Variants in TCF7L1 observed in about 807,000 individuals in gnomAD.
TCF7L1 encodes the protein transcription factor 7 like 1, also known as transcription factor 7-like 1.
TCF7L1 carries 18 observed loss-of-function variants against 63.7 expected under a neutral mutation model. The observed-to-expected ratio is 0.28, with a 90% CI of 0.20 to 0.42. The LOEUF is 0.42. Ranked by LOEUF, TCF7L1 falls within the 10% of genes least tolerant of loss-of-function variation. The pLI, the probability that TCF7L1 is intolerant of heterozygous loss-of-function variation, is 1.00. For synonymous variants in TCF7L1, 355 were observed against 340.9 expected, an observed-to-expected ratio of 1.04 and a Z score of -0.46; for missense variants, 654 against 779.3, an observed-to-expected ratio of 0.84 and a Z score of 1.91.
chr2:85,166,219 C>T (rs1038719288), intron 3 of TCF7L1, among the ~76,000 whole-genome samples: 3 of 152,142 alleles, frequency 2.0e-5, no homozygotes, highest in African/African-American at 7.2e-5. Context: ...ATTTGGAGTC[C>T]AGTGCTAGGT....
At chr2:85,147,810 C>T (rs1293902753) in intron 3 of TCF7L1, among the ~76,000 whole-genome samples, 5 of 152,090 alleles carry the variant, frequency 3.3e-5, no homozygotes, top group African/African-American at 2.4e-5. Context: ...CCCACATCCT[C>T]GTGCATGTGT....
At chr2:85,158,301 T>C (rs1678197817) in intron 3 of TCF7L1, among the ~76,000 whole-genome samples, 1 of 152,150 alleles carries the variant, frequency 6.6e-6, no homozygotes, top group African/African-American at 2.4e-5. Context: ...CTTTAGAACA[T>C]AGGAGACCCA....
At chr2:85,146,155 G>GCACT (rs1412257542) in intron 3 of TCF7L1, among the ~76,000 whole-genome samples, 1 of 152,126 alleles carries the variant, frequency 6.6e-6, no homozygotes, top group Non-Finnish European at 1.5e-5. Flanking sequence ...GTGTTCCAGG[G>GCACT]CACTATATCA....
chr2:85,230,480 C>A lies in TCF7L1; in HGVS notation c.442-53015C>A, dbSNP rs549461267. On this transcript the variant is annotated intron_variant, in intron 3 of 11. Coordinates refer to ENST00000282111, the MANE Select transcript of TCF7L1 (RefSeq NM_031283.3). Reference sequence around the variant, plus strand: ...TCCCAAGTAGCTGTGATTACAGGCACCCATCACCACGCCCAGCTAATTTCT... The same window carrying A: ...TCCCAAGTAGCTGTGATTACAGGCAACCATCACCACGCCCAGCTAATTTCT... Among the ~76,000 whole-genome samples the A allele has an allele frequency of 2.0e-5, 3 of 152,202 alleles. No homozygotes were observed. The South Asian group carries it at 6.2e-4, about 32-fold the overall frequency.
chr2:85,308,465 C>CT (rs2104393226), intron 11 of TCF7L1, among the ~76,000 whole-genome samples: 2 of 84,368 alleles, frequency 2.4e-5, no homozygotes, highest in Non-Finnish European at 4.5e-5. Flanking sequence ...CCCTCTCTTT[C>CT]CCTCCCTCTC....
At chr2:85,243,461 G>T (rs896867972) in intron 3 of TCF7L1, among the ~76,000 whole-genome samples, 8 of 152,124 alleles carry the variant, frequency 5.3e-5, no homozygotes, top group Non-Finnish European at 1.0e-4. Flanking sequence ...TGCAGGGTTC[G>T]AGGGGAAGGG....
chr2:85,167,895 C>T (rs967363949), intron 3 of TCF7L1, among the ~76,000 whole-genome samples: 1 of 152,146 alleles, frequency 6.6e-6, no homozygotes, highest in Non-Finnish European at 1.5e-5. Context: ...GAAATCCTGC[C>T]GTTTGTGACA....
chr2:85,140,899 AAGAG>A (rs933791808), intron 3 of TCF7L1, among the ~76,000 whole-genome samples: 1 of 95,038 alleles, frequency 1.1e-5, no homozygotes, highest in Non-Finnish European at 2.1e-5. Flanking sequence ...ATAAGAGCGA[AAGAG>A]AGAGAGAGAC....
At chr2:85,139,823 A>G (rs1224721488) in intron 3 of TCF7L1, among the ~76,000 whole-genome samples, 1 of 152,186 alleles carries the variant, frequency 6.6e-6, no homozygotes, top group Non-Finnish European at 1.5e-5. Flanking sequence ...GGGCCAGGAC[A>G]TGGGCTAGGG....
chr2:85,308,581 CCCTTCCTT>C (rs1160637661), intron 11 of TCF7L1, among the ~76,000 whole-genome samples: 3 of 149,766 alleles, frequency 2.0e-5, no homozygotes, highest in African/African-American at 4.9e-5. Flanking sequence ...CTCCCCTCCT[CCCTTCCTT>C]CCTTCCTTCC....
In TCF7L1 at chr2:85,224,540, A is replaced by T. The variant is rs148221249; in HGVS notation, c.442-58955A>T. On this transcript the variant is annotated intron_variant, in intron 3 of 11. Transcript: ENST00000282111. The stretch of plus-strand genomic sequence containing the variant: ...TGCATTTCTCTGATGACCAGTGATG[A>T]TGAGTATTTTTTCATATGTCTGTTG... Among the ~76,000 whole-genome samples, 1,508 of 152,310 alleles carry T rather than the reference A, an allele frequency of 9.9e-3. 24 individuals carry two copies. Among genetic ancestry groups the T allele is most frequent in the African/African-American group, 0.034 (1,425 of 41,558 alleles).
At chr2:85,226,043 T>G (rs143882963) in intron 3 of TCF7L1, among the ~76,000 whole-genome samples, 2 of 152,336 alleles carry the variant, frequency 1.3e-5, no homozygotes, top group African/African-American at 4.8e-5. Context: ...ATCACGTGGT[T>G]TTTGTCGTTG....
rs188552733 is a variant in TCF7L1 at position 85,285,637 on chromosome 2, C to T, written c.525+2059C>T. On this transcript the variant is annotated intron_variant, in intron 4 of 11. Transcript: ENST00000282111. ...CCACTTGGGATAGCCAAGCACGAGGCGCGGGTGCCCTCTAGTGGTGCCAGT... is the reference window on the plus strand; with the variant it reads ...CCACTTGGGATAGCCAAGCACGAGGTGCGGGTGCCCTCTAGTGGTGCCAGT... 3.2e-3 allele frequency among the ~76,000 whole-genome samples: 488 copies of T among 152,342 alleles called. 2 individuals are homozygous for T. Among genetic ancestry groups the T allele is most frequent in the Non-Finnish European group, 4.7e-3 (319 of 68,024 alleles).
chr2:85,232,234 T>C (rs1385052827), intron 3 of TCF7L1, among the ~76,000 whole-genome samples: 1 of 152,196 alleles, frequency 6.6e-6, no homozygotes, highest in Non-Finnish European at 1.5e-5. Context: ...CTGCTCTGTG[T>C]GTGTTTGTTT....
chr2:85,282,077 T>A (rs1681433318), intron 3 of TCF7L1, among the ~76,000 whole-genome samples: 1 of 152,140 alleles, frequency 6.6e-6, no homozygotes, highest in South Asian at 2.1e-4. Context: ...AACCTCCACC[T>A]CCCAGACTCA....
chr2:85,133,858 G>C lies in TCF7L1; in HGVS notation c.174G>C (p.Ala58=). 1 of 1,512,994 alleles carries C rather than the reference G, an allele frequency of 6.6e-7. No homozygotes were observed. The highest frequency in any genetic ancestry group is 2.7e-5 in the East Asian group (1 of 37,388). 93.7% of individuals were successfully genotyped at this position (1,512,994 alleles called of 1,614,324 possible). The stretch of plus-strand genomic sequence containing the variant: ...AGCCGAGCAGCGATAGCGCCTCGGC[G>C]CAGCGGGACCTAGACGAGGTCAAGT... The part of the protein sequence containing the change: ...EQEPSSDSAS[A]QRDLDEVKSS... Residue 58 remains alanine (A), a synonymous_variant, in exon 1 of 12, where the codon GCG becomes GCC. Coordinates refer to ENST00000282111, the MANE Select transcript of TCF7L1 (RefSeq NM_031283.3). This position sits in a 1 kb window ranked among gnomAD's most constrained non-coding sequence, Gnocchi z 4.4.
At chr2:85,157,187 G>T (rs1005226172) in intron 3 of TCF7L1, among the ~76,000 whole-genome samples, 1 of 152,234 alleles carries the variant, frequency 6.6e-6, no homozygotes, top group Non-Finnish European at 1.5e-5. Context: ...GCTCAGAGAG[G>T]TGAACAGTGT....
intron 3 of TCF7L1, among the ~76,000 whole-genome samples, chr2:85,184,907 C>T (rs935893616): frequency 1.3e-5 from 2 of 151,960 alleles, no homozygotes; most frequent in Non-Finnish European, 2.9e-5. Context: ...CCTTACAAGG[C>T]AAAGACTCTT....
intron 3 of TCF7L1, among the ~76,000 whole-genome samples, chr2:85,178,218 A>C (rs1044360110): frequency 6.6e-6 from 1 of 152,240 alleles, no homozygotes; most frequent in Admixed American, 6.5e-5. Flanking sequence ...GAAGAAAAAA[A>C]CACAGTGCCT....
Sources: gnomAD v4.1 joint callset for allele counts (sites outside exome capture counted in the v4.1 genomes callset) on GRCh38, gnomAD v4.1.1 for gene constraint, Gnocchi (gnomAD v3.1) non-coding constraint, MANE v1.5 for transcripts, NCBI Gene and HGNC (gene_info 2026-07-23, HGNC 2026-07-21) for gene names.